Variants in DLG1 observed in about 807,000 individuals in gnomAD.
DLG1 encodes disks large homolog 1.
A neutral mutation model predicts 123.4 loss-of-function variants in DLG1; 42 were observed. The observed-to-expected ratio is 0.34, with a 90% CI of 0.27 to 0.44. The LOEUF (loss-of-function observed/expected upper bound fraction) is 0.44. DLG1 is among the 20% of genes least tolerant of loss of function. The pLI is 1.00. For missense variants in DLG1, 942 were observed against 1,082.6 expected (o/e 0.87, Z 1.82); for synonymous variants, 317 against 356.2 (o/e 0.89, Z 1.24).
chr3:197,181,941 C>T (rs865879606), intron 5 of DLG1, among the ~76,000 whole-genome samples: 4 of 152,128 alleles, frequency 2.6e-5, no homozygotes, highest in African/African-American at 7.2e-5. Flanking sequence ...TCTCTTCTGG[C>T]GCAATCACAG....
chr3:197,111,981 T>A lies in DLG1; in HGVS notation c.1443+3946A>T, dbSNP rs112864790. Among the ~76,000 whole-genome samples, 1,221 of 152,348 alleles carry A rather than the reference T, an allele frequency of 8.0e-3. 13 individuals carry two copies. The highest frequency in any genetic ancestry group is 0.027 in the African/African-American group (1,115 of 41,578). On this transcript the variant is annotated intron_variant, in intron 13 of 24. Coordinates refer to ENST00000667157, the MANE Select transcript of DLG1 (RefSeq NM_001366207.1). The stretch of plus-strand genomic sequence containing the variant: ...GAATGTTCTTGTCAAAGTGTTTTTG[T>A]TGATGTATGCTTTCATTTGTCCTGG...
intron 5 of DLG1, among the ~76,000 whole-genome samples, chr3:197,157,137 T>G (rs2149833985): frequency 6.6e-6 from 1 of 152,342 alleles, no homozygotes; most frequent in Middle Eastern, 3.4e-3. Flanking sequence ...TCACCACTTG[T>G]ACTCAACATG....
chr3:197,226,630 AAAGTT>A (rs1740103491), intron 4 of DLG1, among the ~76,000 whole-genome samples: 1 of 152,240 alleles, frequency 6.6e-6, no homozygotes, highest in Admixed American at 6.5e-5. Context: ...ATCATCTGGC[AAAGTT>A]AAGTAGAATA....
chr3:197,246,639 C>A (rs893861067), intron 4 of DLG1, among the ~76,000 whole-genome samples: 1 of 152,160 alleles, frequency 6.6e-6, no homozygotes, highest in African/African-American at 2.4e-5. Flanking sequence ...TTGTTGGTGA[C>A]CCCCATGTTC....
chr3:197,082,024 A>T (rs1048724624), intron 16 of DLG1, among the ~76,000 whole-genome samples: 3 of 152,202 alleles, frequency 2.0e-5, no homozygotes, highest in Non-Finnish European at 4.4e-5. Context: ...TTTCCTTATT[A>T]TCTATTTAGT....
At chr3:197,168,354 A>C (rs1164967396) in intron 5 of DLG1, among the ~76,000 whole-genome samples, 2 of 152,250 alleles carry the variant, frequency 1.3e-5, no homozygotes, top group African/African-American at 4.8e-5. Context: ...CTGATAACCA[A>C]TTCTGGTAAC....
rs143215814 is a variant in DLG1, at chr3:197,229,874, A to T, written c.319-35285T>A. Among the ~76,000 whole-genome samples, 385 of 152,356 alleles carry T rather than the reference A, an allele frequency of 2.5e-3. 2 individuals are homozygous for T. Among genetic ancestry groups the T allele is most frequent in the African/African-American group, 9.1e-3 (379 of 41,584 alleles). On this transcript the variant is annotated intron_variant, in intron 4 of 24. Transcript: ENST00000667157. ...TTAATCCAAATATGATCTACCTCTT[A>T]CGAGGTAAAAAGTATTATAACGTCC...
chr3:197,068,525 G>A, intron 19 of DLG1: 1 of 1,581,960 alleles, frequency 6.3e-7, no homozygotes, highest in Non-Finnish European at 8.6e-7. Flanking sequence ...ATACTCATCT[G>A]TAATCAAGAT....
intron 11 of DLG1, among the ~76,000 whole-genome samples, chr3:197,120,339 T>C (rs1021022423): frequency 4.0e-5 from 6 of 148,574 alleles, no homozygotes; most frequent in African/African-American, 1.2e-4. Context: ...ATACCACATA[T>C]AGGTTTTCCA....
chr3:197,126,519 G>C (rs901601480), intron 11 of DLG1, among the ~76,000 whole-genome samples: 9 of 151,362 alleles, frequency 5.9e-5, no homozygotes, highest in African/African-American at 1.7e-4. Context: ...TCAATTCGTG[G>C]AACAACTGTC....
chr3:197,085,438 A>G, intron 16 of DLG1, 142 bp downstream of exon 16: 1 of 793,736 alleles, frequency 1.3e-6, no homozygotes, highest in Non-Finnish European at 2.0e-6. Context: ...TGATCATACG[A>G]TTTTTGTCTT....
At chr3:197,198,999 A>G (rs1291613223) in intron 4 of DLG1, among the ~76,000 whole-genome samples, 1 of 152,244 alleles carries the variant, frequency 6.6e-6, no homozygotes, top group Non-Finnish European at 1.5e-5. Flanking sequence ...TGGTAGGTGC[A>G]CAACTCTGCG....
chr3:197,245,207 T>C (rs1751034793), intron 4 of DLG1, among the ~76,000 whole-genome samples: 1 of 152,178 alleles, frequency 6.6e-6, no homozygotes, highest in Non-Finnish European at 1.5e-5. Flanking sequence ...TAGCTTTATA[T>C]TGTCATGTGC....
intron 3 of DLG1, among the ~76,000 whole-genome samples, chr3:197,293,513 G>A (rs1449819797): frequency 7.9e-5 from 12 of 151,960 alleles, no homozygotes; most frequent in Admixed American, 7.9e-4. Context: ...TTTAACAGTT[G>A]GTATTTTAGA....
chr3:197,232,362 A>C (rs1485206089), intron 4 of DLG1, among the ~76,000 whole-genome samples: 1 of 45,754 alleles, frequency 2.2e-5, no homozygotes, highest in African/African-American at 4.5e-5. Flanking sequence ...CTTGTCTCTT[A>C]AAAAAAAAAA....
intron 4 of DLG1, among the ~76,000 whole-genome samples, chr3:197,247,361 G>A (rs978084667): frequency 6.6e-6 from 1 of 152,096 alleles, no homozygotes; most frequent in South Asian, 2.1e-4. Flanking sequence ...ACTTGGGGCG[G>A]GGGATTTGGC....
chr3:197,211,694 T>C (rs1731340442), intron 4 of DLG1, among the ~76,000 whole-genome samples: 1 of 146,560 alleles, frequency 6.8e-6, no homozygotes, highest in Admixed American at 6.9e-5. Context: ...GAAAGTAGTA[T>C]GGTGATTCCT....
At chr3:197,297,118 G>A (rs753204397) in intron 2 of DLG1, 68 bp downstream of exon 2, 2 of 1,555,152 alleles carry the variant, frequency 1.3e-6, no homozygotes, top group Non-Finnish European at 1.8e-6. Flanking sequence ...TTCTAAAACG[G>A]CAATCAAAAA....
At chr3:197,190,205 C>G (rs1718508849) in intron 5 of DLG1, among the ~76,000 whole-genome samples, 1 of 152,112 alleles carries the variant, frequency 6.6e-6, no homozygotes, top group Non-Finnish European at 1.5e-5. Flanking sequence ...GTCTCTCACT[C>G]TAGAAGGAGG....
Sources: allele counts gnomAD v4.1 joint callset (sites outside exome capture counted in the v4.1 genomes callset), GRCh38; gene constraint gnomAD v4.1.1; transcripts MANE v1.5; gene names NCBI Gene and HGNC (gene_info 2026-07-23, HGNC 2026-07-21).